Variants in MLLT10 observed in about 807,000 individuals in gnomAD.
MLLT10 encodes protein AF-10.
A neutral mutation model predicts 129.1 loss-of-function variants in MLLT10; 30 were observed. The ratio of observed to expected loss-of-function variants is 0.23; its 90% CI spans 0.17 to 0.32. The LOEUF is 0.32. Among genes scored for constraint, MLLT10 ranks in the 10% least tolerant of loss-of-function variants. MLLT10 has a pLI of 1.00. For missense variants in MLLT10, 1,119 were observed against 1,268.3 expected, an observed-to-expected ratio of 0.88 and a Z score of 1.79; for synonymous variants, 490 against 446.4, an observed-to-expected ratio of 1.10 and a Z score of -1.23.
At chr10:21,564,033 C>T (rs551188807) in intron 3 of MLLT10, among the ~76,000 whole-genome samples, 43 of 152,132 alleles carry the variant, frequency 2.8e-4, no homozygotes, top group Middle Eastern at 3.4e-3. Context: ...AGGATGGTCT[C>T]GATCTCCTAA....
At chr10:21,703,781 T>C (rs1048619261) in intron 13 of MLLT10, among the ~76,000 whole-genome samples, 4 of 151,922 alleles carry the variant, frequency 2.6e-5, no homozygotes, top group African/African-American at 9.7e-5. Flanking sequence ...TCTGACTTTG[T>C]GATCCGCCCG....
At chr10:21,591,415 C>G (rs1245683302) in intron 4 of MLLT10, among the ~76,000 whole-genome samples, 1 of 152,160 alleles carries the variant, frequency 6.6e-6, no homozygotes, top group Non-Finnish European at 1.5e-5. Flanking sequence ...TCTTGACTAT[C>G]TTAGTCTATC....
In MLLT10 at chr10:21,742,648, A is replaced by ACT. The variant is rs1233081434; in HGVS notation, c.*667_*668dup. 1 of 222,968 alleles carries ACT rather than the reference A, an allele frequency of 4.5e-6. No individual in the cohort carries two copies. Among genetic ancestry groups the ACT allele is most frequent in the African/African-American group, 2.2e-5 (1 of 44,838 alleles). The allele number at this position is 222,968 out of a possible 1,614,324, so 13.8% of individuals were successfully genotyped here. On this transcript the variant is annotated 3_prime_UTR_variant, in exon 23 of 23. Coordinates refer to ENST00000307729, the MANE Select transcript of MLLT10 (RefSeq NM_001195626.3). The stretch of plus-strand genomic sequence containing the variant: ...ATTGCTTTCTTTAGTGTTAAGACCT[A>ACT]CTCATATTTTGAAGAAATCTTGAGT...
chr10:21,737,717 C>T (rs913321545), intron 21 of MLLT10, among the ~76,000 whole-genome samples: 6 of 151,974 alleles, frequency 3.9e-5, no homozygotes, highest in African/African-American at 1.5e-4. Flanking sequence ...GGCTCAGGTG[C>T]AGGGCAGGCC....
chr10:21,730,538 T>C (rs2057885781), intron 16 of MLLT10, among the ~76,000 whole-genome samples: 2 of 152,178 alleles, frequency 1.3e-5, no homozygotes, highest in South Asian at 2.1e-4. Context: ...GTGAAACCCT[T>C]TTCTGGGAAA....
intron 3 of MLLT10, among the ~76,000 whole-genome samples, chr10:21,568,563 T>A (rs2039848958): frequency 6.6e-6 from 1 of 152,248 alleles, no homozygotes; most frequent in South Asian, 2.1e-4. Flanking sequence ...TTTCAATTAC[T>A]GCTTTAACTG....
chr10:21,695,663 G>A (rs765940478), intron 13 of MLLT10, among the ~76,000 whole-genome samples: 2 of 151,948 alleles, frequency 1.3e-5, no homozygotes, highest in Non-Finnish European at 2.9e-5. Flanking sequence ...GTCATCGTGG[G>A]GATTGGTTCC....
chr10:21,735,327 A>G, intron 21 of MLLT10, 92 bp downstream of exon 21: 1 of 1,115,820 alleles, frequency 9.0e-7, no homozygotes, highest in Non-Finnish European at 1.3e-6. Context: ...TTGTGAAATA[A>G]CATTATTGAA....
intron 8 of MLLT10, among the ~76,000 whole-genome samples, chr10:21,649,962 T>C (rs2048862421): frequency 6.6e-6 from 1 of 150,872 alleles, no homozygotes; most frequent in African/African-American, 2.4e-5. Context: ...AAAATAACTT[T>C]AGGATAAAAA....
At chr10:21,641,454 A>G (rs2047994197) in intron 8 of MLLT10, among the ~76,000 whole-genome samples, 1 of 152,190 alleles carries the variant, frequency 6.6e-6, no homozygotes, top group Admixed American at 6.5e-5. Context: ...ATTTGGCTGT[A>G]TAGATGGAAA....
intron 8 of MLLT10, among the ~76,000 whole-genome samples, chr10:21,621,791 C>T (rs1461666770): frequency 6.6e-6 from 1 of 152,222 alleles, no homozygotes; most frequent in Admixed American, 6.5e-5. Context: ...GTGGGTCCCT[C>T]TTCTGTCGTG....
intron 3 of MLLT10, among the ~76,000 whole-genome samples, chr10:21,553,119 T>C (rs186192172): frequency 2.0e-4 from 31 of 152,260 alleles, no homozygotes; most frequent in Admixed American, 1.9e-3. Flanking sequence ...AGAAGGCACA[T>C]CTTCTGGCAG....
intron 6 of MLLT10, among the ~76,000 whole-genome samples, chr10:21,612,877 C>T (rs909456355): frequency 2.6e-5 from 4 of 152,028 alleles, no homozygotes; most frequent in Non-Finnish European, 4.4e-5. Flanking sequence ...ATTACAATGG[C>T]GACTTCACAA....
intron 8 of MLLT10, among the ~76,000 whole-genome samples, chr10:21,635,397 G>A (rs762561824): frequency 7.2e-5 from 11 of 152,068 alleles, no homozygotes; most frequent in Non-Finnish European, 1.5e-4. Flanking sequence ...TTGAGACAGA[G>A]TTTCACTTTA....
intron 7 of MLLT10, among the ~76,000 whole-genome samples, chr10:21,615,142 A>G: frequency 6.6e-6 from 1 of 152,104 alleles, no homozygotes; most frequent in East Asian, 1.9e-4. Flanking sequence ...TGAATATTCT[A>G]AAGTACTCTC....
chr10:21,639,126 C>CTA (rs1349080872), intron 8 of MLLT10, among the ~76,000 whole-genome samples: 6 of 152,200 alleles, frequency 3.9e-5, no homozygotes, highest in African/African-American at 1.2e-4. Context: ...CATCACCAAA[C>CTA]TGTCAAGAAC....
At chr10:21,679,759 A>G (rs2052550072) in intron 11 of MLLT10, among the ~76,000 whole-genome samples, 1 of 152,174 alleles carries the variant, frequency 6.6e-6, no homozygotes, top group African/African-American at 2.4e-5. Context: ...GAGATTTTGG[A>G]ATACTTGCAT....
intron 2 of MLLT10, 123 bp from the exon 3 acceptor site, chr10:21,538,703 GTTTTACT>G: frequency 1.6e-6 from 1 of 624,332 alleles, no homozygotes. Context: ...GATGTGAACT[GTTTTACT>G]TCTCTGTAAA....
intron 13 of MLLT10, among the ~76,000 whole-genome samples, chr10:21,706,812 C>G (rs1157528579): frequency 6.6e-6 from 1 of 152,182 alleles, no homozygotes; most frequent in Non-Finnish European, 1.5e-5. Flanking sequence ...GGCGTCTACT[C>G]ATACTGTATT....
Sources: gnomAD v4.1 joint callset for allele counts (sites outside exome capture counted in the v4.1 genomes callset) on GRCh38, gnomAD v4.1.1 for gene constraint, MANE v1.5 for transcripts, NCBI Gene and HGNC (gene_info 2026-07-23, HGNC 2026-07-21) for gene names.